Variants in CNTNAP5 observed in about 807,000 individuals in gnomAD.
CNTNAP5 encodes the protein contactin-associated protein-like 5.
In CNTNAP5, 72 loss-of-function variants were observed where a neutral mutation model predicts 150.2. The ratio of observed to expected loss-of-function variants is 0.48; its 90% CI spans 0.40 to 0.58. The LOEUF (loss-of-function observed/expected upper bound fraction) is 0.58, where lower values mean the gene tolerates loss of function less well. Among genes scored for constraint, CNTNAP5 ranks in the 20% least tolerant of loss-of-function variants. The pLI, the probability that CNTNAP5 is intolerant of heterozygous loss-of-function variation, is 0.00. For synonymous variants in CNTNAP5, 672 were observed against 619.8 expected (o/e 1.08, Z -1.25); for missense variants, 1,636 against 1,626.2 (o/e 1.01, Z -0.10).
At chr2:124,314,372 C>A (rs1006543978) in intron 3 of CNTNAP5, among the ~76,000 whole-genome samples, 1 of 152,132 alleles carries the variant, frequency 6.6e-6, no homozygotes, top group African/African-American at 2.4e-5. Flanking sequence ...TGATTTGCAG[C>A]GACTCATTTG....
At chr2:124,753,811 G>A (rs78276767) in intron 14 of CNTNAP5, among the ~76,000 whole-genome samples, 3,854 of 152,224 alleles carry the variant, frequency 0.025, 88 homozygotes, top group Middle Eastern at 0.13. Flanking sequence ...AACACATCAC[G>A]TTATACCCTA....
intron 2 of CNTNAP5, among the ~76,000 whole-genome samples, chr2:124,222,241 G>A (rs115279068): frequency 0.015 from 2,311 of 152,030 alleles, 72 homozygotes; most frequent in African/African-American, 0.053. Context: ...ACTATTAATT[G>A]AAAGTAAGAA....
intron 3 of CNTNAP5, among the ~76,000 whole-genome samples, chr2:124,295,489 C>A (rs1384461824): frequency 7.6e-6 from 1 of 131,200 alleles, no homozygotes; most frequent in Non-Finnish European, 1.6e-5. Context: ...CTGAGGACAG[C>A]GAAAATCACC....
At chr2:124,427,212 C>A (rs542448991) in intron 4 of CNTNAP5, among the ~76,000 whole-genome samples, 2 of 152,048 alleles carry the variant, frequency 1.3e-5, no homozygotes, top group Non-Finnish European at 2.9e-5. Flanking sequence ...CATTCCACAA[C>A]GACCACATTA....
At chr2:124,176,751 T>C (rs1685074583) in intron 1 of CNTNAP5, among the ~76,000 whole-genome samples, 1 of 152,036 alleles carries the variant, frequency 6.6e-6, no homozygotes, top group Admixed American at 6.6e-5. Flanking sequence ...CATTCCTTCT[T>C]TCTGGGCATG....
chr2:124,336,902 G>T (rs561759173), intron 3 of CNTNAP5, among the ~76,000 whole-genome samples: 1 of 152,120 alleles, frequency 6.6e-6, no homozygotes, highest in Non-Finnish European at 1.5e-5. Context: ...TAATGGGATG[G>T]CTGGGTCAAA....
intron 21 of CNTNAP5, among the ~76,000 whole-genome samples, chr2:124,882,939 G>A (rs941649829): frequency 2.3e-4 from 35 of 152,058 alleles, no homozygotes; most frequent in Admixed American, 1.4e-3. Flanking sequence ...CACAAGAACA[G>A]GATGGGAGAA....
At chr2:124,037,535 C>T (rs1026573403) in intron 1 of CNTNAP5, among the ~76,000 whole-genome samples, 2 of 152,130 alleles carry the variant, frequency 1.3e-5, no homozygotes, top group African/African-American at 4.8e-5. Context: ...TTTGTGACAA[C>T]ATAGATTAAC....
intron 1 of CNTNAP5, among the ~76,000 whole-genome samples, chr2:124,178,174 T>C (rs1685115274): frequency 6.6e-6 from 1 of 152,142 alleles, no homozygotes; most frequent in South Asian, 2.1e-4. Flanking sequence ...TTGTTTGTGT[T>C]CTTCAGCATC....
Position 124,713,243 on chromosome 2 carries a change from CTCTT to C in CNTNAP5, c.2078-33929_2078-33926del, listed in dbSNP as rs869162372. On this transcript the variant is annotated intron_variant, in intron 13 of 23. Coordinates refer to ENST00000682447, the MANE Select transcript of CNTNAP5 (RefSeq NM_001367498.1). Reference sequence around the variant, plus strand: ...TGTTTCTTTCTTTCTTTCTTTCTTTCTCTTTCTTTCTTTCTTTCTTTCTTTCTTT... The same window carrying C: ...TGTTTCTTTCTTTCTTTCTTTCTTTCTCTTTCTTTCTTTCTTTCTTTCTTT... Among the ~76,000 whole-genome samples, 144 of 65,176 alleles carry C rather than the reference CTCTT, an allele frequency of 2.2e-3. 2 individuals are homozygous for C. The highest frequency in any genetic ancestry group is 6.0e-3 in the African/African-American group (104 of 17,406). 42.8% of individuals were successfully genotyped at this position (65,176 alleles called of 152,430 possible). A position where few individuals can be genotyped will look rare whatever the true frequency, so the allele number is the denominator to read the frequency against.
intron 18 of CNTNAP5, among the ~76,000 whole-genome samples, chr2:124,792,786 T>A (rs1405259790): frequency 6.6e-6 from 1 of 152,204 alleles, no homozygotes; most frequent in Non-Finnish European, 1.5e-5. Context: ...TAGTATGTGA[T>A]CTTTTTGTGT....
chr2:124,522,545 A>T (rs1317402319), intron 8 of CNTNAP5, among the ~76,000 whole-genome samples: 5 of 152,174 alleles, frequency 3.3e-5, no homozygotes, highest in Non-Finnish European at 5.9e-5. Flanking sequence ...TAAAGCTGTA[A>T]TTTTCATCTC....
chr2:124,565,574 C>CTT (rs776732335), intron 11 of CNTNAP5, among the ~76,000 whole-genome samples: 5 of 68,440 alleles, frequency 7.3e-5, no homozygotes, highest in African/African-American at 3.1e-4. Flanking sequence ...TACCTAGATC[C>CTT]TTTTTTTTTT....
chr2:124,501,827 G>T (rs1314256992), intron 7 of CNTNAP5, among the ~76,000 whole-genome samples: 1 of 152,138 alleles, frequency 6.6e-6, no homozygotes, highest in Non-Finnish European at 1.5e-5. Flanking sequence ...AGAGAGCTGG[G>T]TCAGATTCTG....
intron 13 of CNTNAP5, among the ~76,000 whole-genome samples, chr2:124,661,219 A>G (rs1238730759): frequency 3.3e-5 from 5 of 151,920 alleles, no homozygotes; most frequent in Non-Finnish European, 7.3e-5. Flanking sequence ...AAACATTTGC[A>G]TTTTTAACAT....
At chr2:124,137,130 C>G in intron 1 of CNTNAP5, among the ~76,000 whole-genome samples, 1 of 152,132 alleles carries the variant, frequency 6.6e-6, no homozygotes, top group East Asian at 1.9e-4. Context: ...CTAGATGACC[C>G]TTTCTATCAC....
At chr2:124,757,817 G>T (rs2105157972) in intron 14 of CNTNAP5, among the ~76,000 whole-genome samples, 1 of 152,268 alleles carries the variant, frequency 6.6e-6, no homozygotes, top group Admixed American at 6.5e-5. Flanking sequence ...AACTCTAGCA[G>T]TGCCTCTAAT....
At chr2:124,889,338 G>A (rs540904712) in intron 21 of CNTNAP5, among the ~76,000 whole-genome samples, 5 of 151,816 alleles carry the variant, frequency 3.3e-5, no homozygotes, top group South Asian at 4.2e-4. Context: ...TTATCCGCCC[G>A]CCTTGGCCTC....
At chr2:124,049,114 C>T (rs1003305122) in intron 1 of CNTNAP5, among the ~76,000 whole-genome samples, 4 of 152,166 alleles carry the variant, frequency 2.6e-5, no homozygotes, top group African/African-American at 7.2e-5. Flanking sequence ...TTGAGAAACG[C>T]TGATTTCAGG....
Sources: allele counts gnomAD v4.1 joint callset (sites outside exome capture counted in the v4.1 genomes callset), GRCh38; gene constraint gnomAD v4.1.1; transcripts MANE v1.5; gene names NCBI Gene and HGNC (gene_info 2026-07-23, HGNC 2026-07-21).